RBFOX1: variants seen among roughly 807,000 people sequenced by gnomAD.
The protein encoded by RBFOX1 is RNA binding fox-1 homolog 1.
A neutral mutation model predicts 57.7 loss-of-function variants in RBFOX1; 8 were observed. The observed-to-expected ratio is 0.14, with a 90% CI of 0.08 to 0.25. The LOEUF is 0.25. RBFOX1 is among the 10% of genes least tolerant of loss of function. The probability of loss-of-function intolerance (pLI) is 1.00; values close to 1 mark genes in which losing one functional copy is unlikely to be tolerated. For missense variants in RBFOX1, 611 were observed against 548.5 expected (o/e 1.11, Z -1.14); for synonymous variants, 326 against 222.4 (o/e 1.47, Z -4.15).
chr16:5,640,274 C>A (rs187125333), intron 3 of RBFOX1, among the ~76,000 whole-genome samples: 2 of 152,148 alleles, frequency 1.3e-5, no homozygotes, highest in Non-Finnish European at 2.9e-5. Context: ...CTTTAGCCAT[C>A]GGTCTGAAAG....
chr16:5,901,215 C>T (rs959794832), intron 4 of RBFOX1, among the ~76,000 whole-genome samples: 1 of 152,114 alleles, frequency 6.6e-6, no homozygotes, highest in Non-Finnish European at 1.5e-5. Context: ...GGGGCTACTT[C>T]TTATATCCAT....
intron 1 of RBFOX1, among the ~76,000 whole-genome samples, chr16:5,293,414 G>A (rs770664884): frequency 1.1e-4 from 16 of 152,082 alleles, no homozygotes; most frequent in Non-Finnish European, 1.6e-4. Context: ...TCCTGCCCTG[G>A]CTGTCTTATT....
intron 1 of RBFOX1, among the ~76,000 whole-genome samples, chr16:5,309,002 G>A (rs1452491396): frequency 6.6e-6 from 1 of 152,086 alleles, no homozygotes; most frequent in East Asian, 1.9e-4. Context: ...CTCCTTGGCT[G>A]ATCCCTTTCC....
At chr16:6,769,688 C>T (rs1378424478) in intron 3 of RBFOX1, among the ~76,000 whole-genome samples, 1 of 152,156 alleles carries the variant, frequency 6.6e-6, no homozygotes, top group Non-Finnish European at 1.5e-5. Flanking sequence ...TGCTAATGTT[C>T]CCTGCTGATG....
At chr16:5,298,758 CT>C (rs1240356735) in intron 1 of RBFOX1, among the ~76,000 whole-genome samples, 1 of 20,748 alleles carries the variant, frequency 4.8e-5, no homozygotes, top group East Asian at 8.2e-4. Flanking sequence ...CACAACTTGG[CT>C]GAAAACATTC....
intron 3 of RBFOX1, among the ~76,000 whole-genome samples, chr16:6,662,496 A>G (rs750848439): frequency 7.9e-5 from 12 of 152,214 alleles, no homozygotes; most frequent in Non-Finnish European, 1.5e-4. Context: ...GTATTGTACA[A>G]GTGTTGAAAC....
At chr16:6,345,200 G>A (rs1260858296) in intron 2 of RBFOX1, among the ~76,000 whole-genome samples, 2 of 152,256 alleles carry the variant, frequency 1.3e-5, no homozygotes, top group African/African-American at 2.4e-5. Context: ...GCTGCGTCCA[G>A]GAGGGTTCTT....
chr16:7,050,108 T>C (rs925943617), intron 3 of RBFOX1, among the ~76,000 whole-genome samples: 1 of 151,886 alleles, frequency 6.6e-6, no homozygotes, highest in Non-Finnish European at 1.5e-5. Flanking sequence ...AGACATAATT[T>C]ACATAATATA....
chr16:5,678,173 C>T (rs1447987658), intron 3 of RBFOX1, among the ~76,000 whole-genome samples: 1 of 152,174 alleles, frequency 6.6e-6, no homozygotes, highest in African/African-American at 2.4e-5. Flanking sequence ...ATGCTTCCTT[C>T]TGGGACACTG....
At chr16:5,915,133 C>G (rs1224372189) in intron 4 of RBFOX1, among the ~76,000 whole-genome samples, 1 of 152,174 alleles carries the variant, frequency 6.6e-6, no homozygotes, top group African/African-American at 2.4e-5. Flanking sequence ...CATTCCACTA[C>G]TTTTTATTGC....
intron 3 of RBFOX1, among the ~76,000 whole-genome samples, chr16:5,735,503 C>T (rs1346973517): frequency 1.3e-5 from 2 of 152,210 alleles, no homozygotes; most frequent in East Asian, 1.9e-4. Context: ...TCAGTTCCTT[C>T]CCGCTTCCGC....
intron 1 of RBFOX1, among the ~76,000 whole-genome samples, chr16:5,351,827 G>A (rs2065268362): frequency 6.6e-6 from 1 of 152,104 alleles, no homozygotes; most frequent in East Asian, 1.9e-4. Context: ...TTTTGAGACA[G>A]AGTTTCACTC....
chr16:6,991,617 A>G (rs925545303), intron 3 of RBFOX1, among the ~76,000 whole-genome samples: 1 of 151,816 alleles, frequency 6.6e-6, no homozygotes, highest in African/African-American at 2.4e-5. Context: ...GCTCACTGCA[A>G]CTTCCACCTC....
intron 2 of RBFOX1, among the ~76,000 whole-genome samples, chr16:6,333,119 A>G: frequency 6.6e-6 from 1 of 152,056 alleles, no homozygotes; most frequent in Non-Finnish European, 1.5e-5. Flanking sequence ...CCCTCAATGC[A>G]GCCTCTGTCT....
chr16:5,440,013 C>A (rs888181077), intron 1 of RBFOX1, among the ~76,000 whole-genome samples: 1 of 152,038 alleles, frequency 6.6e-6, no homozygotes, highest in African/African-American at 2.4e-5. Context: ...GCTGTTAACA[C>A]CATTTGATAG....
chr16:6,319,237 G>A (rs1423788289), intron 2 of RBFOX1, among the ~76,000 whole-genome samples: 1 of 152,014 alleles, frequency 6.6e-6, no homozygotes, highest in African/African-American at 2.4e-5. Context: ...TCTGAATCCA[G>A]GTTTTGATAT....
chr16:7,629,651 A>G (rs978910206), intron 10 of RBFOX1, among the ~76,000 whole-genome samples: 11 of 152,322 alleles, frequency 7.2e-5, no homozygotes, highest in African/African-American at 2.4e-4. Flanking sequence ...TACCCTGACA[A>G]TTCCTGACCC....
In RBFOX1 at chr16:7,709,336, T is replaced by C. The variant is rs2270126; in HGVS notation, c.1071+205T>C. ...TTGGCAATGTAGTGCATGTAAGTTA[T>C]TATATTTCTAATTTTGCAAGTCTCA... On this transcript the variant is annotated intron_variant, in intron 15 of 15. Coordinates refer to ENST00000550418, the MANE Select transcript of RBFOX1 (RefSeq NM_018723.4). 0.016 allele frequency among the ~76,000 whole-genome samples: 2,404 copies of C among 152,352 alleles called. 181 individuals are homozygous for C. In the East Asian group the frequency reaches 0.25, roughly 16 times the overall value.
At chr16:5,306,525 C>A (rs1334401011) in intron 1 of RBFOX1, among the ~76,000 whole-genome samples, 2 of 152,046 alleles carry the variant, frequency 1.3e-5, no homozygotes, top group African/African-American at 4.8e-5. Context: ...TTACCATGAC[C>A]TTGAGCTCAT....
Sources: gnomAD v4.1 joint callset for allele counts (sites outside exome capture counted in the v4.1 genomes callset) on GRCh38, gnomAD v4.1.1 for gene constraint, MANE v1.5 for transcripts, NCBI Gene and HGNC (gene_info 2026-07-23, HGNC 2026-07-21) for gene names.